CFHR4: variants seen among roughly 807,000 people sequenced by gnomAD.
CFHR4 encodes complement factor H-related protein 4.
In CFHR4, 64 loss-of-function variants were observed where a neutral mutation model predicts 69.3. That is an observed-to-expected ratio of 0.92 (90% CI 0.76 to 1.14). CFHR4 has a LOEUF of 1.14. CFHR4 is among the 50% of genes most tolerant of loss of function. The pLI is 0.00. For synonymous variants in CFHR4, 244 were observed against 237.0 expected (o/e 1.03, Z -0.27); for missense variants, 636 against 684.9 (o/e 0.93, Z 0.80).
intron 9 of CFHR4, among the ~76,000 whole-genome samples, chr1:196,916,814 A>C (rs1211355767): frequency 1.3e-5 from 2 of 151,512 alleles, no homozygotes; most frequent in Admixed American, 1.3e-4. Context: ...CTGAAGATAC[A>C]AGATCAGTTC....
chr1:196,896,067 T>G (rs1657278194), intron 1 of CFHR4, among the ~76,000 whole-genome samples: 1 of 150,130 alleles, frequency 6.7e-6, no homozygotes, highest in African/African-American at 2.5e-5. Context: ...ATTTTCCCCA[T>G]TCATGCAGTT....
chr1:196,899,571 C>A (rs1212676784), intron 1 of CFHR4, among the ~76,000 whole-genome samples: 2 of 151,528 alleles, frequency 1.3e-5, no homozygotes. Context: ...TTCGGATTAT[C>A]GTGCCCAAAC....
chr1:196,915,819 G>C (rs1279232476), intron 9 of CFHR4, among the ~76,000 whole-genome samples: 2 of 151,294 alleles, frequency 1.3e-5, no homozygotes, highest in African/African-American at 4.9e-5. Flanking sequence ...CTTAACACCA[G>C]TAATCATTTT....
At chr1:196,894,208 A>T (rs765430024) in intron 1 of CFHR4, among the ~76,000 whole-genome samples, 1 of 151,600 alleles carries the variant, frequency 6.6e-6, no homozygotes, top group Non-Finnish European at 1.5e-5. Context: ...TTGGTTTCCT[A>T]AATTATGTAG....
chr1:196,905,263 G>T lies in CFHR4; in HGVS notation c.412G>T (p.Gly138Ter). The change falls in exon 3 of 10, where the codon GGA becomes TGA. Residue 138 changes from glycine (G) to a stop codon, truncating the protein, a stop_gained. Coordinates refer to ENST00000608469, the MANE Select transcript of CFHR4 (RefSeq NM_001201550.3). LOFTEE classifies it high-confidence loss of function. ...AGGATCAATTACATGTTTGCAAAAT[G>T]GATGGTCAACACAACCAATTTGCAT... Reference protein sequence around the residue: ...SSGSITCLQNGWSTQPICIKF... With the variant: ...SSGSITCLQN 1 of 1,611,254 alleles carries T rather than the reference G, an allele frequency of 6.2e-7. No homozygotes were observed. The highest frequency in any genetic ancestry group is 8.5e-7 in the Non-Finnish European group (1 of 1,178,750).
Position 196,888,182 on chromosome 1 carries a change from T to C in CFHR4, c.32T>C (p.Leu11Ser). Residue 11 changes from leucine (L) to serine (S), a missense_variant, in exon 1 of 10, where the codon TTG becomes TCG. Leu to Ser is a moderately radical substitution (Grantham distance 145). This residue lies in a region of CFHR4 where 529 missense variants were observed against 533.2 expected (regional missense o/e 0.99). Transcript: ENST00000608469. ...TTACTAATCAATGTCATTCTGACCT[T>C]GTGGGTTTCCTGTGCTAATGGACAA... MLLLINVILTLWVSCANGQEV... is the reference protein window; with the variant it reads MLLLINVILTSWVSCANGQEV... 6.2e-7 allele frequency: 1 copy of C among 1,611,312 alleles called. No individual in the cohort carries two copies.
intron 1 of CFHR4, among the ~76,000 whole-genome samples, chr1:196,901,717 T>C (rs1043547941): frequency 3.3e-5 from 5 of 151,420 alleles, no homozygotes; most frequent in Admixed American, 6.6e-5. Context: ...ATATTCAATA[T>C]ACACAAATTC....
Position 196,907,362 on chromosome 1 carries a change from TACC to T in CFHR4, c.666_668del (p.Thr223del). On this transcript the variant is annotated inframe_deletion, in exon 5 of 10. Transcript: ENST00000608469. Reference sequence around the variant, plus strand: ...CTCCTCCACCTATTAGCAATGGAGATACCACGTCCTTCCCGCAAAAAGTGTATC... The same window carrying T: ...CTCCTCCACCTATTAGCAATGGAGATACGTCCTTCCCGCAAAAAGTGTATC... The T allele has an allele frequency of 6.2e-7, 1 of 1,612,112 alleles. No homozygotes were observed. Among genetic ancestry groups the T allele is most frequent in the Non-Finnish European group, 8.5e-7 (1 of 1,179,086 alleles).
chr1:196,895,814 T>C (rs1390508775), intron 1 of CFHR4, among the ~76,000 whole-genome samples: 1 of 151,606 alleles, frequency 6.6e-6, no homozygotes, highest in Non-Finnish European at 1.5e-5. Flanking sequence ...TATTTCTTTG[T>C]ATGACATAAT....
chr1:196,900,468 G>C (rs1265772321), intron 1 of CFHR4, among the ~76,000 whole-genome samples: 1 of 150,848 alleles, frequency 6.6e-6, no homozygotes, highest in Non-Finnish European at 1.5e-5. Context: ...CTTCCTTTTT[G>C]ATTTTTTGAA....
intron 1 of CFHR4, among the ~76,000 whole-genome samples, chr1:196,889,230 C>T (rs1389246073): frequency 6.6e-6 from 1 of 151,410 alleles, no homozygotes; most frequent in Non-Finnish European, 1.5e-5. Context: ...TTAGGTTTTA[C>T]AGTATTATCT....
rs780699917 is a variant in CFHR4 at position 196,893,652 on chromosome 1, A to G, written c.58+5444A>G. On this transcript the variant is annotated intron_variant, in intron 1 of 9. Coordinates refer to ENST00000608469, the MANE Select transcript of CFHR4 (RefSeq NM_001201550.3). ...ATCTTCACTTATAAGCACTGTTAAG[A>G]AAATATGTTAGAAAGAGGTTAATGA... Among the ~76,000 whole-genome samples, 66 of 151,730 alleles carry G rather than the reference A, an allele frequency of 4.3e-4. 1 individual carries two copies. Among genetic ancestry groups the G allele is most frequent in the Admixed American group, 2.3e-3 (35 of 15,226 alleles).
At chr1:196,912,247 G>A (rs1276291819) in intron 6 of CFHR4, among the ~76,000 whole-genome samples, 3 of 151,142 alleles carry the variant, frequency 2.0e-5, no homozygotes, top group East Asian at 1.9e-4. Context: ...ATGGGTTTAA[G>A]CACCCACTTA....
At chr1:196,907,929 G>C (rs1364908682) in intron 5 of CFHR4, among the ~76,000 whole-genome samples, 3 of 151,260 alleles carry the variant, frequency 2.0e-5, no homozygotes, top group African/African-American at 7.3e-5. Context: ...TGACAGACTA[G>C]ATAAAGAAAA....
At chr1:196,907,105 T>TACACATATGTGTATGA in intron 4 of CFHR4, 68 bp downstream of exon 4, 1 of 1,419,898 alleles carries the variant, frequency 7.0e-7, no homozygotes, top group Non-Finnish European at 9.7e-7. Flanking sequence ...TATGTATATG[T>TACACATATGTGTATGA]ACACATATGT....
At chr1:196,909,738 G>A (rs1006799261) in intron 5 of CFHR4, among the ~76,000 whole-genome samples, 14 of 151,300 alleles carry the variant, frequency 9.3e-5, no homozygotes, top group Non-Finnish European at 1.8e-4. Context: ...AATACCTAGC[G>A]TATGGGTTGA....
chr1:196,897,475 A>G (rs1363914892), intron 1 of CFHR4, among the ~76,000 whole-genome samples: 1 of 151,516 alleles, frequency 6.6e-6, no homozygotes, highest in Non-Finnish European at 1.5e-5. Context: ...GCTCTTGCCC[A>G]GTGGTCCTAA....
chr1:196,901,093 C>A (rs1657576465), intron 1 of CFHR4, among the ~76,000 whole-genome samples: 1 of 151,408 alleles, frequency 6.6e-6, no homozygotes, highest in Non-Finnish European at 1.5e-5. Context: ...GTTAATATGA[C>A]AAGACAGATT....
At chr1:196,906,787 A>G (rs1211081811) in intron 3 of CFHR4, 74 bp from the exon 4 acceptor site, 1 of 1,456,664 alleles carries the variant, frequency 6.9e-7, no homozygotes, top group Non-Finnish European at 9.2e-7. Context: ...TTTTATTCCT[A>G]CAATGGGACT....
Sources: allele counts gnomAD v4.1 joint callset (sites outside exome capture counted in the v4.1 genomes callset), GRCh38; gene constraint gnomAD v4.1.1; regional missense constraint gnomAD v4.1.1; transcripts MANE v1.5; gene names NCBI Gene and HGNC (gene_info 2026-07-23, HGNC 2026-07-21).